Variants in GABBR1 observed in about 807,000 individuals in gnomAD.
GABBR1 encodes the protein GABA-B receptor, R1 subunit.
Under a neutral mutation model 117.7 loss-of-function variants are expected in GABBR1, and 35 were observed. That is an observed-to-expected ratio of 0.30 (90% confidence interval 0.23 to 0.39). The LOEUF (loss-of-function observed/expected upper bound fraction) is 0.39. GABBR1 is among the 10% of genes least tolerant of loss of function. GABBR1 has a pLI of 1.00. For missense variants in GABBR1, 709 were observed against 1,241.8 expected, an observed-to-expected ratio of 0.57 and a Z score of 6.45; for synonymous variants, 442 against 486.6, an observed-to-expected ratio of 0.91 and a Z score of 1.21.
In GABBR1 at chr6:29,631,560, C is replaced by T; in HGVS notation, c.125G>A (p.Arg42Lys). 1 of 1,614,220 alleles carries T rather than the reference C, an allele frequency of 6.2e-7. No homozygotes were observed. The highest frequency in any genetic ancestry group is 8.5e-7 in the Non-Finnish European group (1 of 1,180,028). ...CTGGTCCCGAGTCAGGCCCCGGTAC[C>T]TGATGCCCCCTTCCCAGGGCGGGTG... ...IIHPPWEGGI[R>K]YRGLTRDQVK... The change falls in exon 3 of 23, where the codon AGG (arginine) becomes AAG (lysine). Residue 42 changes from arginine (R) to lysine (K), a missense_variant. By Grantham distance (26) the Arg-to-Lys change is conservative (BLOSUM62 2). Around this residue, in one of 9 missense-constraint regions of GABBR1, gnomAD observed 4 missense variants for 21.3 expected, o/e 0.19. Coordinates refer to ENST00000377034, the MANE Select transcript of GABBR1 (RefSeq NM_001470.4). The surrounding 1 kb of genome is among the most constrained non-coding windows in gnomAD (Gnocchi z 5.9).
Position 29,632,527 on chromosome 6 carries a change from G to T in GABBR1, c.1-142C>A. 1 of 923,826 alleles carries T rather than the reference G, an allele frequency of 1.1e-6. No homozygotes were observed. The highest frequency in any genetic ancestry group is 1.5e-6 in the Non-Finnish European group (1 of 662,868). The allele number at this position is 923,826 out of a possible 1,614,324, so 57.2% of individuals were successfully genotyped here. On this transcript the variant is annotated intron_variant, in intron 1 of 22. Coordinates refer to ENST00000377034, the MANE Select transcript of GABBR1 (RefSeq NM_001470.4). This position sits in a 1 kb window ranked among gnomAD's most constrained non-coding sequence, Gnocchi z 5.8. ...ACCAAGAGAGCGCCCCGCGGAGGAGGCGGGGGCGGAGCCCCGCGCGGGGTG... is the reference window on the plus strand; with the variant it reads ...ACCAAGAGAGCGCCCCGCGGAGGAGTCGGGGGCGGAGCCCCGCGCGGGGTG...
In GABBR1 at chr6:29,622,257, T is replaced by A; in HGVS notation, c.964-52A>T. 1 of 1,193,960 alleles carries A rather than the reference T, an allele frequency of 8.4e-7. No homozygotes were observed. The highest frequency in any genetic ancestry group is 1.2e-6 in the Non-Finnish European group (1 of 801,928). The allele number at this position is 1,193,960 out of a possible 1,614,324, so 74.0% of individuals were successfully genotyped here. On this transcript the variant is annotated intron_variant, in intron 8 of 22. Transcript: ENST00000377034. This position sits in a 1 kb window ranked among gnomAD's most constrained non-coding sequence, Gnocchi z 4.6. ...GAAAAACACGGGGTGCATGAGGGAA[T>A]AAAGACCAGAGAGGTTAACTGGGGA...
chr6:29,609,411 GAA>G lies in GABBR1; in HGVS notation c.1709-34_1709-33del. The G allele has an allele frequency of 3.7e-6, 6 of 1,601,508 alleles. No individual in the cohort carries two copies. Among genetic ancestry groups the G allele is most frequent in the Non-Finnish European group, 5.1e-6 (6 of 1,170,264 alleles). On this transcript the variant is annotated intron_variant, in intron 14 of 22. Transcript: ENST00000377034. The surrounding 1 kb of genome is among the most constrained non-coding windows in gnomAD (Gnocchi z 4.3). The stretch of plus-strand genomic sequence containing the variant: ...GGCACAGGGGAGGAAGAGGGGAAGG[GAA>G]AAGAGAAGGGAAGGAGGACAAAGGA...
Position 29,631,193 on chromosome 6 carries a change from A to T in GABBR1, c.289+203T>A, listed in dbSNP as rs1764924211. 6.6e-6 allele frequency among the ~76,000 whole-genome samples: 1 copy of T among 152,236 alleles called. No individual in the cohort carries two copies. Among genetic ancestry groups the T allele is most frequent in the Admixed American group, 6.5e-5 (1 of 15,286 alleles). Reference sequence around the variant, plus strand: ...TGATCAGTGGCCTAATGAAGGGAGGATGAAATGAACTGTGCAGGCTGCTAG... The same window carrying T: ...TGATCAGTGGCCTAATGAAGGGAGGTTGAAATGAACTGTGCAGGCTGCTAG... On this transcript the variant is annotated intron_variant, in intron 3 of 22. Transcript: ENST00000377034. The surrounding 1 kb of genome is among the most constrained non-coding windows in gnomAD (Gnocchi z 5.9).
At position 29,613,511 on chromosome 6, in the gene GABBR1, A is replaced by G. The variant is rs1762766058; in HGVS notation, c.1324-26T>C. On this transcript the variant is annotated intron_variant, in intron 11 of 22. Coordinates refer to ENST00000377034, the MANE Select transcript of GABBR1 (RefSeq NM_001470.4). The surrounding 1 kb of genome is among the most constrained non-coding windows in gnomAD (Gnocchi z 4.1). ...CTTGGGAGGAAAAAATCATGAGGAA[A>G]GAACTGAAATGTGTGTGGGTGTGGG... The G allele has an allele frequency of 6.2e-7, 1 of 1,607,828 alleles. No homozygotes were observed. The highest frequency in any genetic ancestry group is 1.7e-5 in the Admixed American group (1 of 59,800).
At position 29,603,628 on chromosome 6, in the gene GABBR1, G is replaced by A; in HGVS notation, c.2801C>T (p.Pro934Leu). Reference protein sequence around the residue: ...SRRHPPTPPEPSGGLPRGPPE... With the variant: ...SRRHPPTPPELSGGLPRGPPE... ...GGGTCCCCTGGGCAGGCCCCCAGAG[G>A]GTTCTGGGGGTGTCGGTGGGTGGCG... Residue 934 changes from proline (P) to leucine (L), a missense_variant, in exon 23 of 23, where the codon CCC becomes CTC. Around this residue, in one of 9 missense-constraint regions of GABBR1, gnomAD observed 69 missense variants for 64.3 expected, o/e 1.07. Transcript: ENST00000377034. The A allele has an allele frequency of 1.3e-6, 2 of 1,534,898 alleles. No homozygotes were observed. Among genetic ancestry groups the A allele is most frequent in the Non-Finnish European group, 1.7e-6 (2 of 1,146,368 alleles).
At position 29,608,753 on chromosome 6, in the gene GABBR1, G is replaced by T; in HGVS notation, c.1860-20C>A. 1 of 1,610,430 alleles carries T rather than the reference G, an allele frequency of 6.2e-7. No individual in the cohort carries two copies. Among genetic ancestry groups the T allele is most frequent in the Non-Finnish European group, 8.5e-7 (1 of 1,178,572 alleles). Reference sequence around the variant, plus strand: ...ATATAACTAGGGCAGAGGTGGAGAGGGTGAGAGGGAGAGAGAATTACCCCT... The same window carrying T: ...ATATAACTAGGGCAGAGGTGGAGAGTGTGAGAGGGAGAGAGAATTACCCCT... On this transcript the variant is annotated intron_variant, in intron 15 of 22. Transcript: ENST00000377034.
rs1761800656 is a variant in GABBR1, at chr6:29,604,994, G to A, written c.2440-6C>T. ...GCAGTGATGAGGCACAGGACCTAGAGGGAAAGACACATTGAGGGAGTCTCA... is the reference window on the plus strand; with the variant it reads ...GCAGTGATGAGGCACAGGACCTAGAAGGAAAGACACATTGAGGGAGTCTCA... On this transcript the variant is annotated splice_polypyrimidine_tract_variant and splice_region_variant and intron_variant, in intron 20 of 22. Transcript: ENST00000377034. This position sits in a 1 kb window ranked among gnomAD's most constrained non-coding sequence, Gnocchi z 5.3. The A allele has an allele frequency of 6.2e-7, 1 of 1,607,064 alleles. No homozygotes were observed. Among genetic ancestry groups the A allele is most frequent in the Non-Finnish European group, 8.5e-7 (1 of 1,177,514 alleles).
intron 11 of GABBR1, among the ~76,000 whole-genome samples, chr6:29,618,656 G>A (rs1404346485): frequency 1.3e-5 from 2 of 152,086 alleles, no homozygotes; most frequent in Non-Finnish European, 2.9e-5. Flanking sequence ...TCTCCAGGAT[G>A]CCACCTCCCA....
rs1486365688 is a variant in GABBR1 at position 29,622,323 on chromosome 6, C to T, written c.964-118G>A. On this transcript the variant is annotated intron_variant, in intron 8 of 22. Transcript: ENST00000377034. The surrounding 1 kb of genome is among the most constrained non-coding windows in gnomAD (Gnocchi z 4.6). Reference sequence around the variant, plus strand: ...CAGATAGAGCAAAGAAGCAGCCATTCTGAACCTTCCTTCAACAGCTTCTGT... The same window carrying T: ...CAGATAGAGCAAAGAAGCAGCCATTTTGAACCTTCCTTCAACAGCTTCTGT... The T allele has an allele frequency of 7.2e-6, 5 of 695,492 alleles. No individual in the cohort carries two copies. In the African/African-American group the frequency reaches 8.8e-5, roughly 12 times the overall value. The allele number at this position is 695,492 out of a possible 1,614,324, so 43.1% of individuals were successfully genotyped here. A position where few individuals can be genotyped will look rare whatever the true frequency, so the allele number is the denominator to read the frequency against.
chr6:29,618,284 G>A (rs1423070012), intron 11 of GABBR1, among the ~76,000 whole-genome samples: 6 of 152,172 alleles, frequency 3.9e-5, no homozygotes, highest in East Asian at 1.9e-4. Flanking sequence ...CTGTGCTCAC[G>A]CCAGGTCACT....
chr6:29,625,155 T>C (rs1485696526), intron 6 of GABBR1, among the ~76,000 whole-genome samples: 2 of 152,114 alleles, frequency 1.3e-5, no homozygotes, highest in Non-Finnish European at 2.9e-5. Flanking sequence ...AATTCTCTGT[T>C]GCCCACCCTA....
At chr6:29,612,510 C>T (rs192428347) in intron 13 of GABBR1, 41 bp downstream of exon 13, 1 of 1,583,244 alleles carries the variant, frequency 6.3e-7, no homozygotes, top group Non-Finnish European at 8.7e-7. Flanking sequence ...CCAGCCCCAG[C>T]CTAGCCCCCA....
At position 29,604,828 on chromosome 6, in the gene GABBR1, C is replaced by A; in HGVS notation, c.2568+32G>T. On this transcript the variant is annotated intron_variant, in intron 21 of 22. Coordinates refer to ENST00000377034, the MANE Select transcript of GABBR1 (RefSeq NM_001470.4). The surrounding 1 kb of genome is among the most constrained non-coding windows in gnomAD (Gnocchi z 5.3). ...AGGAGGGATGGAGGGAACATGGGAA[C>A]AAAGAGGGTGGGAGAAAAGCCAGAT... 1.2e-6 allele frequency: 2 copies of A among 1,605,054 alleles called. No individual in the cohort carries two copies. The highest frequency in any genetic ancestry group is 1.7e-6 in the Non-Finnish European group (2 of 1,176,166).
Position 29,627,853 on chromosome 6 carries a change from G to C in GABBR1, c.497-207C>G. ...GGAGCTCAGGGGGGACACTTTTCCT[G>C]GGGAGGGCTGCTAAGAGGGTGCCGG... On this transcript the variant is annotated intron_variant, in intron 5 of 22. Transcript: ENST00000377034. This position sits in a 1 kb window ranked among gnomAD's most constrained non-coding sequence, Gnocchi z 4.4. The C allele has an allele frequency of 7.2e-7, 1 of 1,392,232 alleles. No homozygotes were observed. The highest frequency in any genetic ancestry group is 9.3e-7 in the Non-Finnish European group (1 of 1,079,352). 86.2% of individuals were successfully genotyped at this position (1,392,232 alleles called of 1,614,324 possible).
In GABBR1 at chr6:29,605,475, C is replaced by A; in HGVS notation, c.2439+94G>T. On this transcript the variant is annotated intron_variant, in intron 20 of 22. Coordinates refer to ENST00000377034, the MANE Select transcript of GABBR1 (RefSeq NM_001470.4). This position sits in a 1 kb window ranked among gnomAD's most constrained non-coding sequence, Gnocchi z 4.2. ...CAAACTTTTTAAGACTTCTAAGCAA[C>A]CGATCCCAGATCTAGCATTGATTCT... 1 of 1,467,074 alleles carries A rather than the reference C, an allele frequency of 6.8e-7. No homozygotes were observed. The highest frequency in any genetic ancestry group is 1.3e-5 in the South Asian group (1 of 78,660). 90.9% of individuals were successfully genotyped at this position (1,467,074 alleles called of 1,614,324 possible).
rs1652413185 is a variant in GABBR1, at chr6:29,606,275, G to T, written c.2311+116C>A. 1 of 745,396 alleles carries T rather than the reference G, an allele frequency of 1.3e-6. No homozygotes were observed. Among genetic ancestry groups the T allele is most frequent in the South Asian group, 1.5e-5 (1 of 66,458 alleles). The allele number at this position is 745,396 out of a possible 1,614,324, so 46.2% of individuals were successfully genotyped here. A position where few individuals can be genotyped will look rare whatever the true frequency, so the allele number is the denominator to read the frequency against. ...AACAAAGAGTAGGGTGTTCAAACTG[G>T]GTTGACAAGCTCTCTACCTCCTCTT... On this transcript the variant is annotated intron_variant, in intron 19 of 22. Coordinates refer to ENST00000377034, the MANE Select transcript of GABBR1 (RefSeq NM_001470.4). The surrounding 1 kb of genome is among the most constrained non-coding windows in gnomAD (Gnocchi z 4.5).
chr6:29,607,573 G>T lies in GABBR1; in HGVS notation c.1993-355C>A, dbSNP rs1048827993. Among the ~76,000 whole-genome samples the T allele has an allele frequency of 6.6e-6, 1 of 152,048 alleles. No homozygotes were observed. Among genetic ancestry groups the T allele is most frequent in the Non-Finnish European group, 1.5e-5 (1 of 68,012 alleles). On this transcript the variant is annotated intron_variant, in intron 16 of 22. Coordinates refer to ENST00000377034, the MANE Select transcript of GABBR1 (RefSeq NM_001470.4). The surrounding 1 kb of genome is among the most constrained non-coding windows in gnomAD (Gnocchi z 5.0). ...CTTCACAACATGCTCCCATCCACCT[G>T]TCCAGCTAGGCTCATCTCCCAGCCC...
chr6:29,626,329 G>A (rs1266820567), intron 6 of GABBR1, among the ~76,000 whole-genome samples: 1 of 152,010 alleles, frequency 6.6e-6, no homozygotes, highest in Admixed American at 6.5e-5. Context: ...TCACCCCAAG[G>A]TTGATATTTG....
Sources: gnomAD v4.1 joint callset for allele counts (sites outside exome capture counted in the v4.1 genomes callset) on GRCh38, gnomAD v4.1.1 for gene constraint, gnomAD v4.1.1 regional missense constraint, Gnocchi (gnomAD v3.1) non-coding constraint, MANE v1.5 for transcripts, NCBI Gene and HGNC (gene_info 2026-07-23, HGNC 2026-07-21) for gene names.